NMRK2: variants seen among roughly 807,000 people sequenced by gnomAD.
The protein encoded by NMRK2 is NRK 2.
In NMRK2, 34 loss-of-function variants were observed where a neutral mutation model predicts 24.7. The observed-to-expected ratio is 1.37, with a 90% CI of 1.05 to 1.83. NMRK2 has a LOEUF of 1.83. NMRK2 is among the 40% of genes most tolerant of loss of function. The probability of loss-of-function intolerance (pLI) is 0.00; values close to 1 mark genes in which losing one functional copy is unlikely to be tolerated. For missense variants in NMRK2, 341 were observed against 315.0 expected, an observed-to-expected ratio of 1.08 and a Z score of -0.62; for synonymous variants, 145 against 125.6, an observed-to-expected ratio of 1.15 and a Z score of -1.03.
At position 3,937,225 on chromosome 19, in the gene NMRK2, G is replaced by A. The variant is rs1012434329; in HGVS notation, c.118-15G>A. ...ACCGGGCACTGAGCCCGAGGTTCAG[G>A]CTCCTCTGTTTCAGCCCCAAGACCA... On this transcript the variant is annotated splice_polypyrimidine_tract_variant and intron_variant, in intron 3 of 7. Transcript: ENST00000168977. 2 of 1,612,850 alleles carry A rather than the reference G, an allele frequency of 1.2e-6. No homozygotes were observed. The highest frequency in any genetic ancestry group is 8.5e-7 in the Non-Finnish European group (1 of 1,179,394).
Position 3,936,576 on chromosome 19 carries a change from ATGACCAACGGCGGCAAGACCACGC to A in NMRK2, c.37_60del (p.Gly13_Asn20del), listed in dbSNP as rs1203231097. 2.4e-5 allele frequency: 37 copies of A among 1,553,100 alleles called. No homozygotes were observed. The highest frequency in any genetic ancestry group is 3.3e-4 in the Middle Eastern group (2 of 5,996). On this transcript the variant is annotated inframe_deletion and splice_region_variant, in exon 3 of 8. Coordinates refer to ENST00000168977, the MANE Select transcript of NMRK2 (RefSeq NM_170678.3). ...CTCATGCACACGCTGTCTCCCCAGC[ATGACCAACGGCGGCAAGACCACGC>A]TGACCAACAGCCTGCTCAGAGCCCT...
intron 6 of NMRK2, among the ~76,000 whole-genome samples, chr19:3,940,348 A>AG (rs1266592457): frequency 6.7e-6 from 1 of 148,922 alleles, no homozygotes; most frequent in East Asian, 2.0e-4. Context: ...AAAAAAAAAA[A>AG]AAAAAAAAAA....
At chr19:3,942,027 C>A in intron 7 of NMRK2, 56 bp from the exon 8 acceptor site, 2 of 1,465,370 alleles carry the variant, frequency 1.4e-6, no homozygotes, top group Admixed American at 1.7e-5. Context: ...CACTCGTCCC[C>A]CCGTGCTCTG....
intron 2 of NMRK2, among the ~76,000 whole-genome samples, chr19:3,934,603 CAG>C (rs2039181210): frequency 6.7e-6 from 1 of 150,084 alleles, no homozygotes. Flanking sequence ...TAGTTTGAGA[CAG>C]AGTCTTGCTC....
intron 2 of NMRK2, among the ~76,000 whole-genome samples, chr19:3,935,628 G>A (rs941602749): frequency 1.3e-5 from 2 of 151,716 alleles, no homozygotes; most frequent in African/African-American, 4.8e-5. Flanking sequence ...CACCCAGACT[G>A]AACTGCAGTG....
In NMRK2 at chr19:3,941,059, C is replaced by T; in HGVS notation, c.396-12C>T. Reference sequence around the variant, plus strand: ...CTGTGCTCTAAGCCATCCTTGCCTTCTCCCTCTGCAGTACCCGCAACTACA... The same window carrying T: ...CTGTGCTCTAAGCCATCCTTGCCTTTTCCCTCTGCAGTACCCGCAACTACA... On this transcript the variant is annotated splice_polypyrimidine_tract_variant and intron_variant, in intron 6 of 7. Transcript: ENST00000168977. 1.3e-6 allele frequency: 2 copies of T among 1,581,606 alleles called. No individual in the cohort carries two copies. The highest frequency in any genetic ancestry group is 8.7e-7 in the Non-Finnish European group (1 of 1,151,308).
chr19:3,940,675 C>T (rs1223381862), intron 6 of NMRK2, among the ~76,000 whole-genome samples: 2 of 146,258 alleles, frequency 1.4e-5, no homozygotes, highest in East Asian at 4.0e-4. Flanking sequence ...GTGGAGGTTG[C>T]AGTGAGCCAA....
intron 5 of NMRK2, 74 bp from the exon 6 acceptor site, chr19:3,939,826 G>C (rs910730893): frequency 7.3e-7 from 1 of 1,364,408 alleles, no homozygotes; most frequent in East Asian, 2.4e-5. Flanking sequence ...AGCCAAGGCT[G>C]GGGGGTTGGA....
intron 2 of NMRK2, among the ~76,000 whole-genome samples, chr19:3,934,907 C>G (rs1448192523): frequency 6.6e-6 from 1 of 152,066 alleles, no homozygotes; most frequent in Non-Finnish European, 1.5e-5. Flanking sequence ...AGTAAGAAGC[C>G]TCGAATTTTC....
At chr19:3,940,272 G>A (rs1254769681) in intron 6 of NMRK2, among the ~76,000 whole-genome samples, 1 of 149,516 alleles carries the variant, frequency 6.7e-6, no homozygotes, top group African/African-American at 2.5e-5. Context: ...GCTTGAACCT[G>A]GGAGGCAGAG....
At chr19:3,942,021 C>A in intron 7 of NMRK2, 62 bp from the exon 8 acceptor site, 1 of 1,399,798 alleles carries the variant, frequency 7.1e-7, no homozygotes, top group South Asian at 1.2e-5. Context: ...GCCGTCCACT[C>A]GTCCCCCCGT....
In NMRK2 at chr19:3,933,583, G is replaced by A; in HGVS notation, c.-89G>A. 1.4e-6 allele frequency: 2 copies of A among 1,458,474 alleles called. No individual in the cohort carries two copies. The highest frequency in any genetic ancestry group is 2.9e-5 in the East Asian group (1 of 34,870). 90.3% of individuals were successfully genotyped at this position (1,458,474 alleles called of 1,614,324 possible). On this transcript the variant is annotated 5_prime_UTR_variant, in exon 2 of 8. The change abolishes an upstream ATG in the 5' untranslated region. Transcript: ENST00000168977. ...TATAAAGGCGCCAGGTTTTCTCAAT[G>A]AAGCCGGGACGCACTCCGGAGCGCA...
intron 5 of NMRK2, 93 bp downstream of exon 5, chr19:3,938,852 T>G (rs1250817410): frequency 1.2e-4 from 109 of 881,648 alleles, no homozygotes; most frequent in East Asian, 8.6e-4. Flanking sequence ...TTGTTTTGTT[T>G]TTTTTTTTTT....
At chr19:3,939,819 C>T (rs2039294974) in intron 5 of NMRK2, 81 bp from the exon 6 acceptor site, 2 of 1,333,908 alleles carry the variant, frequency 1.5e-6, no homozygotes, top group Non-Finnish European at 2.1e-6. Context: ...CTCTGAAAGC[C>T]AAGGCTGGGG....
At position 3,942,394 on chromosome 19, in the gene NMRK2, T is replaced by C. The variant is rs970865423; in HGVS notation, c.*121T>C. 3.6e-6 allele frequency: 3 copies of C among 831,484 alleles called. No individual in the cohort carries two copies. Among genetic ancestry groups the C allele is most frequent in the Non-Finnish European group, 5.5e-6 (3 of 543,422 alleles). 51.5% of individuals were successfully genotyped at this position (831,484 alleles called of 1,614,324 possible). On this transcript the variant is annotated 3_prime_UTR_variant, in exon 8 of 8. Coordinates refer to ENST00000168977, the MANE Select transcript of NMRK2 (RefSeq NM_170678.3). The stretch of plus-strand genomic sequence containing the variant: ...TGTAACCTCGCTGCAGCTTCAGTAG[T>C]AAACTGGGTCCTGTTTTTTTAACTG...
chr19:3,940,990 G>C, intron 6 of NMRK2, 81 bp from the exon 7 acceptor site: 1 of 905,384 alleles, frequency 1.1e-6, no homozygotes, highest in Admixed American at 2.0e-5. Flanking sequence ...GACTATGACA[G>C]CTTTCAGGCC....
chr19:3,941,269 A>G (rs2039328691), intron 7 of NMRK2, 92 bp downstream of exon 7: 4 of 654,534 alleles, frequency 6.1e-6, no homozygotes, highest in Non-Finnish European at 1.0e-5. Context: ...TTTTTTTTCA[A>G]GACAGAGTCT....
At chr19:3,934,174 G>T (rs2145286051) in intron 2 of NMRK2, among the ~76,000 whole-genome samples, 2 of 152,272 alleles carry the variant, frequency 1.3e-5, no homozygotes, top group South Asian at 4.1e-4. Flanking sequence ...CTTGAATCCG[G>T]GAGATGGAGG....
chr19:3,934,550 TG>T (rs1323820233), intron 2 of NMRK2, among the ~76,000 whole-genome samples: 9 of 92,880 alleles, frequency 9.7e-5, no homozygotes, highest in African/African-American at 2.2e-4. Context: ...TTTTGTTTTT[TG>T]GGGTTTTTTT....
Sources: gnomAD v4.1 joint callset for allele counts (sites outside exome capture counted in the v4.1 genomes callset) on GRCh38, gnomAD v4.1.1 for gene constraint, MANE v1.5 for transcripts, NCBI Gene and HGNC (gene_info 2026-07-23, HGNC 2026-07-21) for gene names.